The following PTPRM variants were observed in gnomAD, a reference collection of about 807,000 sequenced individuals.
PTPRM encodes receptor-type tyrosine-protein phosphatase mu.
A neutral mutation model predicts 186.7 loss-of-function variants in PTPRM; 47 were observed. That is an observed-to-expected ratio of 0.25 (90% CI 0.20 to 0.32). The LOEUF (loss-of-function observed/expected upper bound fraction) is 0.32, where lower values mean the gene tolerates loss of function less well. Ranked by LOEUF, PTPRM falls within the 10% of genes least tolerant of loss-of-function variation. The probability of loss-of-function intolerance (pLI) is 1.00; values close to 1 mark genes in which losing one functional copy is unlikely to be tolerated. For missense variants in PTPRM, 1,494 were observed against 1,865.0 expected (o/e 0.80, Z 3.66); for synonymous variants, 668 against 674.9 (o/e 0.99, Z 0.16).
At chr18:8,142,429 C>T (rs1046807187) in intron 13 of PTPRM, among the ~76,000 whole-genome samples, 6 of 152,112 alleles carry the variant, frequency 3.9e-5, no homozygotes, top group African/African-American at 1.4e-4. Flanking sequence ...TGGAAAGAAA[C>T]ATCATTTACG....
intron 1 of PTPRM, among the ~76,000 whole-genome samples, chr18:7,699,742 T>G (rs2039920597): frequency 7.2e-6 from 1 of 139,818 alleles, no homozygotes; most frequent in East Asian, 2.3e-4. Flanking sequence ...TTTTTTTTTT[T>G]AATAGTTAAC....
rs76922917 is a variant in PTPRM at position 7,802,683 on chromosome 18, G to A, written c.196+28412G>A. 9.9e-3 allele frequency among the ~76,000 whole-genome samples: 1,511 copies of A among 152,244 alleles called. 20 individuals carry two copies. Among genetic ancestry groups the A allele is most frequent in the African/African-American group, 0.035 (1,444 of 41,544 alleles). ...AAGCGATTATGTCACTTTGGAATCC[G>A]ATTTCCTAGTAAATTGATTTTTTTC... On this transcript the variant is annotated intron_variant, in intron 2 of 32. Transcript: ENST00000580170.
intron 19 of PTPRM, among the ~76,000 whole-genome samples, chr18:8,291,054 C>T (rs1017880141): frequency 1.3e-5 from 2 of 152,110 alleles, no homozygotes; most frequent in Admixed American, 6.6e-5. Flanking sequence ...CCTCACACAC[C>T]TGTCCTTAAG....
chr18:7,915,740 A>G (rs1409445588), intron 4 of PTPRM, among the ~76,000 whole-genome samples: 1 of 152,212 alleles, frequency 6.6e-6, no homozygotes, highest in Non-Finnish European at 1.5e-5. Context: ...TAAAGGACTG[A>G]AGGAAGTACT....
intron 1 of PTPRM, among the ~76,000 whole-genome samples, chr18:7,630,424 TGC>T (rs2038164440): frequency 6.6e-6 from 1 of 152,072 alleles, no homozygotes; most frequent in Non-Finnish European, 1.5e-5. Context: ...GCCGTTTAGG[TGC>T]CACACTGGAG....
At chr18:8,186,830 G>A (rs770422562) in intron 14 of PTPRM, among the ~76,000 whole-genome samples, 4 of 152,136 alleles carry the variant, frequency 2.6e-5, no homozygotes, top group Non-Finnish European at 5.9e-5. Context: ...AAATTTAAAT[G>A]TACAAATGCA....
Position 8,370,807 on chromosome 18 carries a change from A to G in PTPRM, c.3055-83A>G, listed in dbSNP as rs1048302666. Reference sequence around the variant, plus strand: ...AACTTTTGTGTGCAAATTTTGTCCTATAAATCATAGTGTGACCCATCATGG... The same window carrying G: ...AACTTTTGTGTGCAAATTTTGTCCTGTAAATCATAGTGTGACCCATCATGG... On this transcript the variant is annotated intron_variant, in intron 23 of 32. Transcript: ENST00000580170. The G allele has an allele frequency of 5.4e-5, 40 of 742,248 alleles. 1 individual carries two copies. In the South Asian group the frequency reaches 5.7e-4, roughly 11 times the overall value. 46.0% of individuals were successfully genotyped at this position (742,248 alleles called of 1,614,324 possible).
chr18:7,619,449 G>A (rs1178441436), intron 1 of PTPRM, among the ~76,000 whole-genome samples: 2 of 152,328 alleles, frequency 1.3e-5, no homozygotes, highest in East Asian at 1.9e-4. Flanking sequence ...AATATTTTCA[G>A]TACAGATGGT....
intron 2 of PTPRM, among the ~76,000 whole-genome samples, chr18:7,808,868 T>A (rs1046347356): frequency 7.9e-5 from 12 of 152,210 alleles, no homozygotes; most frequent in African/African-American, 2.9e-4. Context: ...ATATTCAACG[T>A]GAATTTGCAG....
chr18:7,869,830 A>G (rs1599176865), intron 2 of PTPRM, among the ~76,000 whole-genome samples: 1 of 152,286 alleles, frequency 6.6e-6, no homozygotes, highest in East Asian at 1.9e-4. Flanking sequence ...CGTGGATATC[A>G]GCTCACTTGA....
At chr18:8,215,039 C>T (rs528267686) in intron 14 of PTPRM, among the ~76,000 whole-genome samples, 1 of 152,210 alleles carries the variant, frequency 6.6e-6, no homozygotes, top group African/African-American at 2.4e-5. Context: ...TTAACTCTAG[C>T]AAATAGGATA....
intron 22 of PTPRM, among the ~76,000 whole-genome samples, chr18:8,327,570 G>T (rs2095385364): frequency 6.6e-6 from 1 of 152,156 alleles, no homozygotes; most frequent in Non-Finnish European, 1.5e-5. Flanking sequence ...GAATGGATTG[G>T]GACTTACGAT....
At chr18:7,927,815 C>T (rs1269532851) in intron 5 of PTPRM, among the ~76,000 whole-genome samples, 1 of 152,126 alleles carries the variant, frequency 6.6e-6, no homozygotes, top group Non-Finnish European at 1.5e-5. Flanking sequence ...TAGAGTGGTA[C>T]CATCTCACTC....
chr18:7,580,910 T>C (rs2036827762), intron 1 of PTPRM, among the ~76,000 whole-genome samples: 1 of 152,200 alleles, frequency 6.6e-6, no homozygotes, highest in Non-Finnish European at 1.5e-5. Flanking sequence ...TAGGAAGATA[T>C]TAAGTGATGT....
At chr18:8,344,169 G>A (rs374230743) in intron 23 of PTPRM, among the ~76,000 whole-genome samples, 1 of 152,234 alleles carries the variant, frequency 6.6e-6, no homozygotes, top group East Asian at 1.9e-4. Flanking sequence ...CTTTTTTACA[G>A]TAGGTTGAAT....
At chr18:7,884,074 G>T (rs1283100656) in intron 2 of PTPRM, among the ~76,000 whole-genome samples, 1 of 152,134 alleles carries the variant, frequency 6.6e-6, no homozygotes, top group African/African-American at 2.4e-5. Context: ...TTGAGCCCAG[G>T]AGGTCGAGGC....
At chr18:8,225,070 T>C (rs1280148176) in intron 14 of PTPRM, among the ~76,000 whole-genome samples, 1 of 152,176 alleles carries the variant, frequency 6.6e-6, no homozygotes, top group Non-Finnish European at 1.5e-5. Context: ...GATACATTAT[T>C]TTATTAGGGA....
At chr18:8,193,173 A>T (rs2093731089) in intron 14 of PTPRM, among the ~76,000 whole-genome samples, 1 of 152,200 alleles carries the variant, frequency 6.6e-6, no homozygotes, top group East Asian at 1.9e-4. Flanking sequence ...AATTCTATGT[A>T]AGATATAGAT....
chr18:8,376,726 G>GTCCC, intron 26 of PTPRM, 129 bp downstream of exon 26: 1 of 1,084,858 alleles, frequency 9.2e-7, no homozygotes, highest in Non-Finnish European at 1.2e-6. Flanking sequence ...GGCATTCCCT[G>GTCCC]TTCCTTCCCT....
Sources: allele counts gnomAD v4.1 joint callset (sites outside exome capture counted in the v4.1 genomes callset), GRCh38; gene constraint gnomAD v4.1.1; transcripts MANE v1.5; gene names NCBI Gene and HGNC (gene_info 2026-07-23, HGNC 2026-07-21).